MOCS2: variants seen among roughly 807,000 people sequenced by gnomAD.
MOCS2 encodes the protein molybdopterin synthase catalytic subunit.
A neutral mutation model predicts 21.9 loss-of-function variants in MOCS2; 13 were observed. The ratio of observed to expected loss-of-function variants is 0.59; its 90% confidence interval spans 0.39 to 0.94. The LOEUF is 0.94. MOCS2 is among the 40% of genes least tolerant of loss of function. The pLI is 0.00. For synonymous variants in MOCS2, 92 were observed against 80.8 expected (o/e 1.14, Z -0.74); for missense variants, 227 against 218.3 (o/e 1.04, Z -0.25).
Position 53,109,721 on chromosome 5 carries a change from C to T in MOCS2, c.-640G>A, listed in dbSNP as rs1021202508. 13 of 1,551,996 alleles carry T rather than the reference C, an allele frequency of 8.4e-6. No individual in the cohort carries two copies. The highest frequency in any genetic ancestry group is 2.4e-5 in the East Asian group (1 of 40,960). ...CACCCGCCACCCTTACCTGGCACAG[C>T]GGCACCATCCCGCCTAGGACAGCGG... On this transcript the variant is annotated 5_prime_UTR_variant, in exon 1 of 7. Transcript: ENST00000396954.
At chr5:53,100,718 G>T in intron 5 of MOCS2, 184 bp from the exon 6 acceptor site, 1 of 600,836 alleles carries the variant, frequency 1.7e-6, no homozygotes, top group Non-Finnish European at 2.9e-6. Context: ...AGAGGCAGTA[G>T]ATGAGGCTGA....
intron 2 of MOCS2, among the ~76,000 whole-genome samples, chr5:53,108,283 T>C (rs899163104): frequency 3.9e-5 from 6 of 152,208 alleles, no homozygotes; most frequent in African/African-American, 1.2e-4. Context: ...TTGTAAATTA[T>C]CAAAGAGAAT....
chr5:53,108,360 G>A (rs956590998), intron 2 of MOCS2, among the ~76,000 whole-genome samples, 162 bp downstream of exon 2: 2 of 152,000 alleles, frequency 1.3e-5, no homozygotes, highest in African/African-American at 4.8e-5. Context: ...CTTAAAATAC[G>A]GTGCACATTT....
In MOCS2 at chr5:53,109,730, C is replaced by A. The variant is rs1007047361; in HGVS notation, c.-649G>T. 1.3e-6 allele frequency: 2 copies of A among 1,550,898 alleles called. No homozygotes were observed. Among genetic ancestry groups the A allele is most frequent in the Non-Finnish European group, 1.7e-6 (2 of 1,147,376 alleles). ...CCCTTACCTGGCACAGCGGCACCAT[C>A]CCGCCTAGGACAGCGGGACCGAATC... is the stretch of plus-strand genomic sequence containing the variant. On this transcript the variant is annotated 5_prime_UTR_variant, in exon 1 of 7. Transcript: ENST00000396954.
Position 53,109,744 on chromosome 5 carries a change from C to G in MOCS2, c.-663G>C. On this transcript the variant is annotated 5_prime_UTR_variant, in exon 1 of 7. Coordinates refer to ENST00000396954, the MANE Select transcript of MOCS2 (RefSeq NM_004531.5). Reference sequence around the variant, plus strand: ...AGCGGCACCATCCCGCCTAGGACAGCGGGACCGAATCACGGCCGCAAAGGC... The same window carrying G: ...AGCGGCACCATCCCGCCTAGGACAGGGGGACCGAATCACGGCCGCAAAGGC... The G allele has an allele frequency of 2.6e-6, 4 of 1,549,156 alleles. No homozygotes were observed. In the South Asian group the frequency reaches 4.8e-5, roughly 18 times the overall value.
intron 4 of MOCS2, 82 bp from the exon 5 acceptor site, chr5:53,101,591 G>A: frequency 5.9e-6 from 6 of 1,021,486 alleles, no homozygotes; most frequent in Non-Finnish European, 4.4e-6. Context: ...TAATAAAAAA[G>A]GAATATTTTT....
At chr5:53,106,443 C>T (rs747065620) in intron 3 of MOCS2, among the ~76,000 whole-genome samples, 5 of 152,090 alleles carry the variant, frequency 3.3e-5, no homozygotes, top group Non-Finnish European at 7.4e-5. Flanking sequence ...CCAACTAATG[C>T]GGGAACAGAA....
Position 53,109,561 on chromosome 5 carries a change from G to GGGGGCA in MOCS2, c.-481_-480insTGCCCC. ...ACAGGAAGGGCCCGGGGGCGGGGGC[G>GGGGGCA]GGGGCGCCCCCGAACCCAAGACGCC... is the stretch of plus-strand genomic sequence containing the variant. On this transcript the variant is annotated 5_prime_UTR_variant, in exon 1 of 7. Transcript: ENST00000396954. 1 of 1,405,706 alleles carries GGGGGCA rather than the reference G, an allele frequency of 7.1e-7. No homozygotes were observed. Among genetic ancestry groups the GGGGGCA allele is most frequent in the Non-Finnish European group, 9.3e-7 (1 of 1,080,084 alleles). The allele number at this position is 1,405,706 out of a possible 1,614,324, so 87.1% of individuals were successfully genotyped here.
chr5:53,104,159 G>A (rs1740992315), intron 3 of MOCS2, among the ~76,000 whole-genome samples: 1 of 152,120 alleles, frequency 6.6e-6, no homozygotes, highest in African/African-American at 2.4e-5. Flanking sequence ...TTCCACCACG[G>A]AAACAGCACA....
rs757894987 is a variant in MOCS2 at position 53,109,747 on chromosome 5, G to C, written c.-666C>G. 7.1e-6 allele frequency: 11 copies of C among 1,548,740 alleles called. No individual in the cohort carries two copies. In the South Asian group the frequency reaches 1.3e-4, roughly 18 times the overall value. On this transcript the variant is annotated 5_prime_UTR_variant, in exon 1 of 7. Coordinates refer to ENST00000396954, the MANE Select transcript of MOCS2 (RefSeq NM_004531.5). ...GGCACCATCCCGCCTAGGACAGCGG[G>C]ACCGAATCACGGCCGCAAAGGCGCA... is the stretch of plus-strand genomic sequence containing the variant.
At chr5:53,105,981 A>G (rs1473338973) in intron 3 of MOCS2, among the ~76,000 whole-genome samples, 1 of 152,230 alleles carries the variant, frequency 6.6e-6, no homozygotes, top group Non-Finnish European at 1.5e-5. Context: ...AAAGCTCAAC[A>G]TCACTGATTA....
Position 53,095,995 on chromosome 5 carries a change from G to C in MOCS2, c.*2607C>G, listed in dbSNP as rs543201203. 1.3e-5 allele frequency: 2 copies of C among 152,188 alleles called. No individual in the cohort carries two copies. The highest frequency in any genetic ancestry group is 3.9e-4 in the East Asian group (2 of 5,174). 9.4% of individuals were successfully genotyped at this position (152,188 alleles called of 1,614,324 possible). A position where few individuals can be genotyped will look rare whatever the true frequency, so the allele number is the denominator to read the frequency against. ...TAATTTTCATTTCGGAACCACTACA[G>C]CCTGACTTTAAAGAAAATGGCTACT... On this transcript the variant is annotated 3_prime_UTR_variant, in exon 7 of 7. Coordinates refer to ENST00000396954, the MANE Select transcript of MOCS2 (RefSeq NM_004531.5).
chr5:53,102,098 T>C lies in MOCS2; in HGVS notation c.225A>G (p.Val75=). 1 of 1,613,574 alleles carries C rather than the reference T, an allele frequency of 6.2e-7. No homozygotes were observed. The highest frequency in any genetic ancestry group is 8.5e-7 in the Non-Finnish European group (1 of 1,179,662). ...SPLCGAISLF[V]GTTRNNFEGK... ...GATGCAATGAAAATTACAACTCACC[T>C]ACAAATAGGGATATTGCACCACAGA... is the stretch of plus-strand genomic sequence containing the variant. Residue 75 remains valine, a splice_region_variant and synonymous_variant, in exon 4 of 7, where the codon GTA becomes GTG. Coordinates refer to ENST00000396954, the MANE Select transcript of MOCS2 (RefSeq NM_004531.5).
At position 53,100,479 on chromosome 5, in the gene MOCS2, C is replaced by G. The variant is rs150503623; in HGVS notation, c.433G>C (p.Ala145Pro). 4 of 1,613,778 alleles carry G rather than the reference C, an allele frequency of 2.5e-6. No individual in the cohort carries two copies. In the African/African-American group the frequency reaches 5.3e-5, roughly 22 times the overall value. ...TAGCTCACAGCTTCAAGAGATGCAG[C>G]TCTGTGGGCTGAGGACACAGCAATG... ...IIIAVSSAHRAASLEAVSYAI... is the reference protein window; with the variant it reads ...IIIAVSSAHRPASLEAVSYAI... Residue 145 changes from alanine to proline, a missense_variant, in exon 6 of 7, where the codon GCT becomes CCT. Ala to Pro is a conservative substitution (Grantham distance 27). Coordinates refer to ENST00000396954, the MANE Select transcript of MOCS2 (RefSeq NM_004531.5).
chr5:53,102,073 G>C (rs1398695732), intron 4 of MOCS2, 24 bp downstream of exon 4: 1 of 1,609,680 alleles, frequency 6.2e-7, no homozygotes, highest in Non-Finnish European at 8.5e-7. Flanking sequence ...TACAGTGATA[G>C]ATGCAATGAA....
rs1175415969 is a variant in MOCS2 at position 53,109,412 on chromosome 5, G to C, written c.-331C>G. 8.1e-7 allele frequency: 1 copy of C among 1,239,390 alleles called. No homozygotes were observed. The highest frequency in any genetic ancestry group is 3.2e-5 in the East Asian group (1 of 31,226). The allele number at this position is 1,239,390 out of a possible 1,614,324, so 76.8% of individuals were successfully genotyped here. On this transcript the variant is annotated 5_prime_UTR_variant, in exon 1 of 7. Coordinates refer to ENST00000396954, the MANE Select transcript of MOCS2 (RefSeq NM_004531.5). ...TAGCTTCATCAAAACGAATAATCTG[G>C]GAAAGAGGTGGTCATAAAAGGTGGA...
In MOCS2 at chr5:53,104,281, C is replaced by A. The variant is rs116729667; in HGVS notation, c.99-2057G>T. On this transcript the variant is annotated intron_variant, in intron 3 of 6. Transcript: ENST00000396954. The stretch of plus-strand genomic sequence containing the variant: ...ATATAGGTAATATAAATATGGTCTA[C>A]GAGTTTCAAACCATACTGAGTTCCC... Among the ~76,000 whole-genome samples, 698 of 152,270 alleles carry A rather than the reference C, an allele frequency of 4.6e-3. 3 individuals carry two copies. Among genetic ancestry groups the A allele is most frequent in the Non-Finnish European group, 4.2e-3 (286 of 68,024 alleles).
At chr5:53,102,276 TCAA>T (rs761337894) in intron 3 of MOCS2, 52 bp from the exon 4 acceptor site, 7 of 1,533,636 alleles carry the variant, frequency 4.6e-6, no homozygotes, top group Non-Finnish European at 6.3e-6. Flanking sequence ...GGTAAAACAC[TCAA>T]CAACTTATAG....
intron 6 of MOCS2, among the ~76,000 whole-genome samples, chr5:53,099,214 T>G (rs930426266): frequency 6.6e-6 from 1 of 152,214 alleles, no homozygotes; most frequent in Non-Finnish European, 1.5e-5. Context: ...ACTCCTGCAC[T>G]TCCTCGGACT....
Sources: gnomAD v4.1 joint callset for allele counts (sites outside exome capture counted in the v4.1 genomes callset) on GRCh38, gnomAD v4.1.1 for gene constraint, MANE v1.5 for transcripts, NCBI Gene and HGNC (gene_info 2026-07-23, HGNC 2026-07-21) for gene names.